The following REL variants were observed in gnomAD, a reference collection of about 807,000 sequenced individuals.
The protein encoded by REL is REL proto-oncogene, NF-kB subunit.
In REL, 15 loss-of-function variants were observed where a neutral mutation model predicts 45.9. The ratio of observed to expected loss-of-function variants is 0.33; its 90% CI spans 0.22 to 0.50. The LOEUF (loss-of-function observed/expected upper bound fraction) is 0.50, where lower values mean the gene tolerates loss of function less well. Ranked by LOEUF, REL falls within the 20% of genes least tolerant of loss-of-function variation. REL has a pLI of 0.98. For synonymous variants in REL, 239 were observed against 242.1 expected (o/e 0.99, Z 0.12); for missense variants, 601 against 715.2 (o/e 0.84, Z 1.82).
At chr2:60,896,514 A>G (rs1221613913) in intron 3 of REL, among the ~76,000 whole-genome samples, 12 of 152,150 alleles carry the variant, frequency 7.9e-5, no homozygotes, top group Admixed American at 4.6e-4. Flanking sequence ...CTTTTGGGGA[A>G]AAATGAACTA....
chr2:60,904,211 AC>A (rs1324269141), intron 4 of REL, among the ~76,000 whole-genome samples: 1 of 150,390 alleles, frequency 6.6e-6, no homozygotes, highest in Non-Finnish European at 1.5e-5. Flanking sequence ...GACCAGCCTG[AC>A]CAACATGGTG....
In REL at chr2:60,881,692, A is replaced by G; in HGVS notation, c.-149A>G. 1 of 596,682 alleles carries G rather than the reference A, an allele frequency of 1.7e-6. No homozygotes were observed. The highest frequency in any genetic ancestry group is 2.0e-5 in the African/African-American group (1 of 50,798). The allele number at this position is 596,682 out of a possible 1,614,324, so 37.0% of individuals were successfully genotyped here. On this transcript the variant is annotated 5_prime_UTR_variant, in exon 1 of 10. Transcript: ENST00000394479. ...AAGGTGTGAGCCGCAAACCCAGCGGAGGGCGGGAAGAAGGAGGAGGCCTCT... is the reference window on the plus strand; with the variant it reads ...AAGGTGTGAGCCGCAAACCCAGCGGGGGGCGGGAAGAAGGAGGAGGCCTCT...
intron 4 of REL, among the ~76,000 whole-genome samples, chr2:60,910,888 C>G (rs1673795437): frequency 6.6e-6 from 1 of 152,136 alleles, no homozygotes; most frequent in African/African-American, 2.4e-5. Context: ...GCCAAGATCA[C>G]AACACTGCAC....
chr2:60,881,849 C>T lies in REL; in HGVS notation c.9C>T (p.Ser3=). 1 of 1,509,378 alleles carries T rather than the reference C, an allele frequency of 6.6e-7. No homozygotes were observed. The highest frequency in any genetic ancestry group is 8.8e-7 in the Non-Finnish European group (1 of 1,130,164). 93.5% of individuals were successfully genotyped at this position (1,509,378 alleles called of 1,614,324 possible). The part of the protein sequence containing the change: MA[S]GAYNPYIEII... ...GTGCGGGGAGCGGAGCCATGGCCTC[C>T]GGTGAGTGTTCATGGGGCGCGGGCC... Residue 3 remains serine, a splice_region_variant and synonymous_variant, in exon 1 of 10, where the codon TCC becomes TCT. Coordinates refer to ENST00000394479, the MANE Select transcript of REL (RefSeq NM_001291746.2).
At chr2:60,920,467 C>T (rs1355019005) in intron 8 of REL, 107 bp from the exon 9 acceptor site, 2 of 837,200 alleles carry the variant, frequency 2.4e-6, no homozygotes, top group South Asian at 2.8e-5. Context: ...TCCCAAAGTG[C>T]TGGGATTACA....
intron 4 of REL, among the ~76,000 whole-genome samples, chr2:60,906,549 T>C (rs1382007492): frequency 6.6e-6 from 1 of 152,158 alleles, no homozygotes; most frequent in East Asian, 1.9e-4. Context: ...AGCCTTCCTT[T>C]CCATTCTAGC....
At position 60,881,862 on chromosome 2, in the gene REL, TG is replaced by T; in HGVS notation, c.10+16del. Reference sequence around the variant, plus strand: ...AGCCATGGCCTCCGGTGAGTGTTCATGGGGCGCGGGCCTGGGCCGGGGGAAA... The same window carrying T: ...AGCCATGGCCTCCGGTGAGTGTTCATGGGCGCGGGCCTGGGCCGGGGGAAA... On this transcript the variant is annotated intron_variant, in intron 1 of 9. Transcript: ENST00000394479. The T allele has an allele frequency of 6.7e-7, 1 of 1,484,556 alleles. No individual in the cohort carries two copies. The allele number at this position is 1,484,556 out of a possible 1,614,324, so 92.0% of individuals were successfully genotyped here.
intron 1 of REL, among the ~76,000 whole-genome samples, chr2:60,886,904 A>ATACTAT (rs1307401477): frequency 6.6e-6 from 1 of 152,218 alleles, no homozygotes; most frequent in East Asian, 1.9e-4. Context: ...GCCTTTTAAA[A>ATACTAT]TACTATTCAG....
At chr2:60,903,775 C>A (rs550170242) in intron 4 of REL, among the ~76,000 whole-genome samples, 1 of 152,298 alleles carries the variant, frequency 6.6e-6, no homozygotes, top group South Asian at 2.1e-4. Flanking sequence ...AAGTGATCCT[C>A]CTGCCTCAGC....
At chr2:60,919,553 G>T (rs979223045) in intron 7 of REL, among the ~76,000 whole-genome samples, 1 of 152,000 alleles carries the variant, frequency 6.6e-6, no homozygotes, top group African/African-American at 2.4e-5. Flanking sequence ...AGCCTCCCAG[G>T]TAGCTGGGAC....
intron 1 of REL, among the ~76,000 whole-genome samples, chr2:60,882,615 C>T (rs1015963637): frequency 6.6e-6 from 1 of 151,710 alleles, no homozygotes; most frequent in African/African-American, 2.4e-5. Flanking sequence ...GTGGAGGTTG[C>T]AGTGAGCCGA....
chr2:60,897,549 C>A (rs1434815579), intron 3 of REL, among the ~76,000 whole-genome samples: 1 of 151,954 alleles, frequency 6.6e-6, no homozygotes, highest in Non-Finnish European at 1.5e-5. Context: ...CTCAGGTGAT[C>A]CTCCTGCCTC....
In REL at chr2:60,927,601, T is replaced by C. The variant is rs778484529; in HGVS notation, c.*5066T>C. On this transcript the variant is annotated 3_prime_UTR_variant, in exon 10 of 10. Coordinates refer to ENST00000394479, the MANE Select transcript of REL (RefSeq NM_001291746.2). ...CCCTCACACAACACTCCAGTATTGA[T>C]GCAGTCAATCTTGTATAACATTTTT... The C allele has an allele frequency of 1.1e-4, 26 of 230,046 alleles. No homozygotes were observed. The highest frequency in any genetic ancestry group is 2.0e-4 in the Non-Finnish European group (23 of 116,054). The allele number at this position is 230,046 out of a possible 1,614,324, so 14.3% of individuals were successfully genotyped here.
At chr2:60,885,301 G>C (rs1172137277) in intron 1 of REL, among the ~76,000 whole-genome samples, 1 of 151,998 alleles carries the variant, frequency 6.6e-6, no homozygotes. Flanking sequence ...ATTTATCTGG[G>C]CCTCCTCTGT....
chr2:60,915,062 A>G (rs867650034), intron 4 of REL, among the ~76,000 whole-genome samples: 1 of 150,674 alleles, frequency 6.6e-6, no homozygotes, highest in Non-Finnish European at 1.5e-5. Flanking sequence ...CGATCTCCCA[A>G]CCTCATGATC....
At chr2:60,886,284 C>T (rs187224428) in intron 1 of REL, among the ~76,000 whole-genome samples, 1 of 152,238 alleles carries the variant, frequency 6.6e-6, no homozygotes, top group Admixed American at 6.5e-5. Flanking sequence ...ATGTACATCC[C>T]CAGTATGAAC....
At chr2:60,905,168 C>G (rs1558803790) in intron 4 of REL, among the ~76,000 whole-genome samples, 1 of 152,192 alleles carries the variant, frequency 6.6e-6, no homozygotes, top group Non-Finnish European at 1.5e-5. Context: ...GATCTCGGCT[C>G]ACTGCAAGCT....
chr2:60,895,442 A>T (rs1467298072), intron 3 of REL, among the ~76,000 whole-genome samples: 1 of 152,098 alleles, frequency 6.6e-6, no homozygotes, highest in East Asian at 1.9e-4. Flanking sequence ...TGGCCTCCCA[A>T]AGTGCTTGGG....
chr2:60,886,121 T>C (rs988866976), intron 1 of REL, among the ~76,000 whole-genome samples: 7 of 152,368 alleles, frequency 4.6e-5, no homozygotes, highest in African/African-American at 1.7e-4. Flanking sequence ...TTAAGACAAT[T>C]ATTCTTAATC....
Sources: allele counts gnomAD v4.1 joint callset (sites outside exome capture counted in the v4.1 genomes callset), GRCh38; gene constraint gnomAD v4.1.1; transcripts MANE v1.5; gene names NCBI Gene and HGNC (gene_info 2026-07-23, HGNC 2026-07-21).